CELF2: variants seen among roughly 807,000 people sequenced by gnomAD.
CELF2 encodes the protein CUGBP Elav-like family member 2.
A neutral mutation model predicts 62.6 loss-of-function variants in CELF2; 8 were observed. That is an observed-to-expected ratio of 0.13 (90% CI 0.07 to 0.23). The LOEUF is 0.23. CELF2 is among the 10% of genes least tolerant of loss of function. The pLI is 1.00. For synonymous variants in CELF2, 258 were observed against 250.0 expected, an observed-to-expected ratio of 1.03 and a Z score of -0.30; for missense variants, 333 against 671.0, an observed-to-expected ratio of 0.50 and a Z score of 5.56.
the CELF2 span, among the ~76,000 whole-genome samples, chr10:10,484,106 CCTCTCTCTCTCCCTCCCCCCTCCTCTCT>C: frequency 4.7e-5 from 1 of 21,340 alleles, no homozygotes; most frequent in South Asian, 3.3e-3. Context: ...CCTCCCCCCT[CCTCTCTCTCTCCCTCCCCCCTCCTCTCT>C]CTCCCTCCCT....
intron 2 of CELF2, among the ~76,000 whole-genome samples, chr10:10,935,805 A>T (rs2046321950): frequency 1.3e-5 from 2 of 151,908 alleles, no homozygotes; most frequent in Non-Finnish European, 2.9e-5. Flanking sequence ...CCACTCTCTC[A>T]TAGATTTTTC....
At chr10:10,471,726 A>G in the CELF2 span, among the ~76,000 whole-genome samples, 1 of 151,832 alleles carries the variant, frequency 6.6e-6, no homozygotes, top group Non-Finnish European at 1.5e-5. Flanking sequence ...AAATATGTTG[A>G]TATAGCCTGT....
chr10:11,253,308 G>A (rs76582204), intron 4 of CELF2, among the ~76,000 whole-genome samples: 1 of 152,186 alleles, frequency 6.6e-6, no homozygotes, highest in African/African-American at 2.4e-5. Context: ...CCTGCTGTGT[G>A]TGTCTCTCTC....
the CELF2 span, among the ~76,000 whole-genome samples, chr10:10,601,083 CT>C: frequency 6.6e-6 from 1 of 152,210 alleles, no homozygotes; most frequent in Admixed American, 6.5e-5. Flanking sequence ...AGAACCATAG[CT>C]TTTCCATAGT....
chr10:10,700,762 C>A, the CELF2 span, among the ~76,000 whole-genome samples: 1 of 152,212 alleles, frequency 6.6e-6, no homozygotes, highest in Non-Finnish European at 1.5e-5. Flanking sequence ...ATAAAAGCAA[C>A]TTCCTTTGGC....
chr10:11,332,845 G>A lies in CELF2; in HGVS notation c.*3792G>A, dbSNP rs1483406684. The A allele has an allele frequency of 1.3e-5, 2 of 152,560 alleles. No homozygotes were observed. The highest frequency in any genetic ancestry group is 6.5e-5 in the Admixed American group (1 of 15,270). The allele number at this position is 152,560 out of a possible 1,614,324, so 9.5% of individuals were successfully genotyped here. ...CCTCACATGTGTTTACTACTGCTGG[G>A]GCCTTCCTTCATCCTCTGAGGGCTA... On this transcript the variant is annotated 3_prime_UTR_variant, in exon 13 of 13. Transcript: ENST00000633077.
the CELF2 span, among the ~76,000 whole-genome samples, chr10:10,621,445 G>A: frequency 5.9e-5 from 9 of 152,076 alleles, no homozygotes; most frequent in Non-Finnish European, 1.0e-4. Context: ...ACAAAGAAGC[G>A]TAGCATAGGT....
chr10:11,025,034 A>G (rs1016851801), intron 1 of CELF2, among the ~76,000 whole-genome samples: 3 of 152,168 alleles, frequency 2.0e-5, no homozygotes, highest in African/African-American at 7.2e-5. Flanking sequence ...GTGGTATTTT[A>G]TATCCTTTCT....
chr10:11,127,529 A>G (rs1247183235), intron 1 of CELF2, among the ~76,000 whole-genome samples: 1 of 152,208 alleles, frequency 6.6e-6, no homozygotes, highest in African/African-American at 2.4e-5. Flanking sequence ...AAGTGTTCCT[A>G]TTTCTCCACA....
chr10:10,970,052 G>T (rs908443292), intron 2 of CELF2, among the ~76,000 whole-genome samples: 1 of 152,086 alleles, frequency 6.6e-6, no homozygotes, highest in African/African-American at 2.4e-5. Flanking sequence ...ATTTCCATTT[G>T]TGTGATGTAT....
In CELF2 at chr10:10,997,454, C is replaced by G. The variant is rs2054076878; in HGVS notation, c.89+77455C>G. On this transcript the variant is annotated intron_variant, in intron 2 of 13. Coordinates refer to the CELF2 transcript ENST00000636488. This position sits in a 1 kb window ranked among gnomAD's most constrained non-coding sequence, Gnocchi z 5.3. ...CACCTTCCAGGAAGGAAGGCTGATG[C>G]ACTCCACTGTGGTCTTTATTAAGCT... Among the ~76,000 whole-genome samples the G allele has an allele frequency of 1.3e-5, 2 of 152,186 alleles. No homozygotes were observed. The highest frequency in any genetic ancestry group is 4.8e-5 in the African/African-American group (2 of 41,444).
chr10:11,014,464 T>C (rs1283609940), upstream of CELF2, among the ~76,000 whole-genome samples: 1 of 152,212 alleles, frequency 6.6e-6, no homozygotes, highest in Non-Finnish European at 1.5e-5. Context: ...CCCTAAATTA[T>C]AGTAGCAACT....
chr10:11,215,370 T>G (rs2063055483), intron 2 of CELF2, among the ~76,000 whole-genome samples: 1 of 152,166 alleles, frequency 6.6e-6, no homozygotes, highest in Non-Finnish European at 1.5e-5. Flanking sequence ...GTTGTTTAAT[T>G]CTCTATTTTC....
At chr10:10,472,046 G>A in the CELF2 span, among the ~76,000 whole-genome samples, 35,272 of 151,602 alleles carry the variant, frequency 0.23, 4,700 homozygotes, top group African/African-American at 0.37. Flanking sequence ...TTGGCTTTCA[G>A]CAGTTTAATT....
At chr10:11,061,683 T>C (rs953658935) in intron 1 of CELF2, among the ~76,000 whole-genome samples, 1 of 152,236 alleles carries the variant, frequency 6.6e-6, no homozygotes, top group Non-Finnish European at 1.5e-5. Flanking sequence ...AAGCCATTAC[T>C]CATTTACTAC....
intron 3 of CELF2, among the ~76,000 whole-genome samples, chr10:11,248,856 G>A (rs1253126582): frequency 6.6e-6 from 1 of 152,202 alleles, no homozygotes; most frequent in East Asian, 1.9e-4. Context: ...AGAATTGCCT[G>A]TAACATAGAG....
In CELF2 at chr10:11,057,799, T is replaced by C. The variant is rs566786669; in HGVS notation, c.74+39636T>C. Reference sequence around the variant, plus strand: ...TTTCTCCATACCCCAGCATCATCCCTTTAACCCATATTGCCAGAAAAAGAT... The same window carrying C: ...TTTCTCCATACCCCAGCATCATCCCCTTAACCCATATTGCCAGAAAAAGAT... On this transcript the variant is annotated intron_variant, in intron 1 of 12. Transcript: ENST00000633077. Among the ~76,000 whole-genome samples, 3 of 152,278 alleles carry C rather than the reference T, an allele frequency of 2.0e-5. No individual in the cohort carries two copies. In the East Asian group the frequency reaches 5.8e-4, roughly 29 times the overall value.
chr10:11,284,988 A>ATGGG (rs2090712045), intron 8 of CELF2, among the ~76,000 whole-genome samples: 1 of 145,446 alleles, frequency 6.9e-6, no homozygotes, highest in Non-Finnish European at 1.5e-5. Context: ...TGGATGAGAG[A>ATGGG]TGGATGTGTG....
the CELF2 span, among the ~76,000 whole-genome samples, chr10:10,677,865 CT>C: frequency 6.6e-6 from 1 of 152,152 alleles, no homozygotes; most frequent in Non-Finnish European, 1.5e-5. Context: ...ATCAATAAGA[CT>C]AGCCTGATTA....
Sources: allele counts gnomAD v4.1 joint callset (sites outside exome capture counted in the v4.1 genomes callset), GRCh38; gene constraint gnomAD v4.1.1; non-coding constraint Gnocchi (gnomAD v3.1); transcripts MANE v1.5; gene names NCBI Gene and HGNC (gene_info 2026-07-23, HGNC 2026-07-21).